KDM5D: variants seen among roughly 807,000 people sequenced by gnomAD.
KDM5D encodes lysine-specific demethylase 5D.
Under a neutral mutation model 31.9 loss-of-function variants are expected in KDM5D, and 25 were observed. That is an observed-to-expected ratio of 0.78 (90% confidence interval 0.57 to 1.09). KDM5D has a LOEUF of 1.09. Among genes scored for constraint, KDM5D ranks in the 50% least tolerant of loss-of-function variants. KDM5D has a pLI of 0.00. For synonymous variants in KDM5D, 146 were observed against 122.3 expected, an observed-to-expected ratio of 1.19 and a Z score of -1.28; for missense variants, 366 against 341.6, an observed-to-expected ratio of 1.07 and a Z score of -0.56.
At chrY:19,712,173 A>G in intron 18 of KDM5D, among the ~76,000 whole-genome samples, 3 of 33,087 alleles carry the variant, frequency 9.1e-5, no homozygotes, top group Non-Finnish European at 2.2e-4. Context: ...ACACAGCTTT[A>G]TTTTTTTTAA....
rs2045250820 is a variant in KDM5D at position 19,707,303 on chromosome Y, C to T, written c.3843G>A (p.Lys1281=). 3 of 394,032 alleles carry T rather than the reference C, an allele frequency of 7.6e-6. No individual in the cohort carries two copies. The highest frequency in any genetic ancestry group is 1.5e-4 in the Admixed American group (2 of 13,103). ...RAIGWQDRAR[K]ALASEDVTAL... is the part of the protein sequence containing the mutation. ...CAGTCACATCTTCAGAGGCCAGAGC[C>T]TTTCTGGCACGGTCTTGCCAGCCAA... The change falls in exon 24 of 27, where the codon AAG becomes AAA. Residue 1281 remains lysine, a synonymous_variant. Transcript: ENST00000317961.
chrY:19,727,033 A>G, intron 11 of KDM5D, among the ~76,000 whole-genome samples: 2 of 33,460 alleles, frequency 6.0e-5, no homozygotes, highest in Non-Finnish European at 1.5e-4. Context: ...AACATGCTAG[A>G]TAAGAAAATG....
intron 2 of KDM5D, 22 bp from the exon 3 acceptor site, chrY:19,743,261 T>C (rs1287210942): frequency 6.9e-6 from 2 of 289,608 alleles, no homozygotes; most frequent in Non-Finnish European, 1.1e-5. Flanking sequence ...TGTAAGGACC[T>C]GGTAACTATG....
At chrY:19,732,296 A>C (rs2045478580) in intron 9 of KDM5D, 131 bp from the exon 10 acceptor site, 1 of 186,587 alleles carries the variant, frequency 5.4e-6, no homozygotes, top group African/African-American at 8.6e-5. Flanking sequence ...ATATGTTTCC[A>C]GGTAGGTTTG....
At chrY:19,726,881 C>T in intron 11 of KDM5D, among the ~76,000 whole-genome samples, 2 of 32,237 alleles carry the variant, frequency 6.2e-5, no homozygotes, top group Non-Finnish European at 1.5e-4. Context: ...AATATACAAA[C>T]TAAGAAAATT....
In KDM5D at chrY:19,705,259, C is replaced by T. The variant is rs2124171496; in HGVS notation, c.*736G>A. 3.0e-5 allele frequency: 1 copy of T among 33,534 alleles called. No homozygotes were observed. Among genetic ancestry groups the T allele is most frequent in the African/African-American group, 1.2e-4 (1 of 8,612 alleles). 8.4% of individuals were successfully genotyped at this position (33,534 alleles called of 400,897 possible). A position where few individuals can be genotyped will look rare whatever the true frequency, so the allele number is the denominator to read the frequency against. ...GTCAACTGGACATCCTTTGAGAAAA[C>T]ATTAACCTTGGCCTAAGTCTCATGT... On this transcript the variant is annotated 3_prime_UTR_variant, in exon 27 of 27. Transcript: ENST00000317961.
chrY:19,736,102 G>C, intron 6 of KDM5D, among the ~76,000 whole-genome samples: 1 of 32,878 alleles, frequency 3.0e-5, no homozygotes, highest in Non-Finnish European at 7.5e-5. Flanking sequence ...GTTCAAGATG[G>C]AAACAGTTAA....
At chrY:19,729,735 T>A in intron 11 of KDM5D, among the ~76,000 whole-genome samples, 1 of 33,689 alleles carries the variant, frequency 3.0e-5, no homozygotes, top group African/African-American at 1.2e-4. Context: ...AATCTGATGC[T>A]CTTAAAGGCT....
chrY:19,714,117 C>G (rs2045317610), intron 18 of KDM5D, among the ~76,000 whole-genome samples: 2 of 32,608 alleles, frequency 6.1e-5, no homozygotes, highest in Non-Finnish European at 1.5e-4. Context: ...CATGGACGCA[C>G]GCATAGAGGG....
At chrY:19,711,408 C>T (rs926946910) in intron 18 of KDM5D, among the ~76,000 whole-genome samples, 1 of 32,997 alleles carries the variant, frequency 3.0e-5, no homozygotes, top group Non-Finnish European at 7.4e-5. Flanking sequence ...GGGCCAGGCA[C>T]GGTGGCTCAT....
intron 11 of KDM5D, among the ~76,000 whole-genome samples, chrY:19,725,518 C>T: frequency 3.0e-5 from 1 of 33,336 alleles, no homozygotes; most frequent in Non-Finnish European, 7.4e-5. Flanking sequence ...AAACTTGATC[C>T]CTTCCTTACA....
chrY:19,741,493 A>G lies in KDM5D; in HGVS notation c.352-5T>C. 2.6e-6 allele frequency: 1 copy of G among 377,931 alleles called. No homozygotes were observed. Among genetic ancestry groups the G allele is most frequent in the Non-Finnish European group, 3.8e-6 (1 of 266,531 alleles). The allele number at this position is 377,931 out of a possible 400,897, so 94.3% of individuals were successfully genotyped here. A position where few individuals can be genotyped will look rare whatever the true frequency, so the allele number is the denominator to read the frequency against. On this transcript the variant is annotated splice_region_variant and splice_polypyrimidine_tract_variant and intron_variant, in intron 4 of 26. Transcript: ENST00000317961. ...GCCACCTTCCTCAATCACAATCTGAAAGTATAAGAAACAATATGGATGAAC... is the reference window on the plus strand; with the variant it reads ...GCCACCTTCCTCAATCACAATCTGAGAGTATAAGAAACAATATGGATGAAC...
In KDM5D at chrY:19,708,265, ATTC is replaced by A. The variant is rs2045264485; in HGVS notation, c.3237_3239del (p.Lys1079del). 1 of 395,076 alleles carries A rather than the reference ATTC, an allele frequency of 2.5e-6. No individual in the cohort carries two copies. Among genetic ancestry groups the A allele is most frequent in the Non-Finnish European group, 3.5e-6 (1 of 282,236 alleles). ...TCACCTCAAGCAGTGTGTAGCAAGA[ATTC>A]TTCTTGAGAAAGGTCTTGGAGGCCT... is the stretch of plus-strand genomic sequence containing the variant. On this transcript the variant is annotated inframe_deletion, in exon 22 of 27. Coordinates refer to ENST00000317961, the MANE Select transcript of KDM5D (RefSeq NM_004653.5).
At chrY:19,706,701 G>T in intron 25 of KDM5D, 61 bp from the exon 26 acceptor site, 1 of 370,432 alleles carries the variant, frequency 2.7e-6, no homozygotes, top group Admixed American at 7.5e-5. Context: ...GCCACTCTTG[G>T]TCTTATCCTC....
chrY:19,727,159 A>G, intron 11 of KDM5D, among the ~76,000 whole-genome samples: 1 of 33,849 alleles, frequency 3.0e-5, no homozygotes, highest in Non-Finnish European at 7.4e-5. Flanking sequence ...ATTCGGGTCA[A>G]CCATAAAAGA....
intron 2 of KDM5D, among the ~76,000 whole-genome samples, chrY:19,743,447 T>C: frequency 4.3e-5 from 1 of 23,140 alleles, no homozygotes; most frequent in Non-Finnish European, 9.9e-5. Flanking sequence ...CTCTCCTTGA[T>C]ATGTGTCCTT....
At chrY:19,708,163 C>G in intron 22 of KDM5D, 81 bp downstream of exon 22, 1 of 371,817 alleles carries the variant, frequency 2.7e-6, no homozygotes, top group East Asian at 9.8e-5. Flanking sequence ...CTAAAAAAAT[C>G]TATGTTCTCA....
intron 18 of KDM5D, chrY:19,715,146 T>C: frequency 6.7e-6 from 1 of 149,365 alleles, no homozygotes; most frequent in Middle Eastern, 1.7e-3. Flanking sequence ...TTCTTTTTTT[T>C]TGCTGTTGTT....
intron 18 of KDM5D, among the ~76,000 whole-genome samples, chrY:19,711,387 ACTGAAATAATGGGCC>A (rs2045297282): frequency 3.0e-5 from 1 of 33,412 alleles, no homozygotes; most frequent in African/African-American, 1.2e-4. Flanking sequence ...AGTAGGAAAT[ACTGAAATAATGGGCC>A]AGGCACGGTG....
Sources: allele counts gnomAD v4.1 joint callset (sites outside exome capture counted in the v4.1 genomes callset), GRCh38; gene constraint gnomAD v4.1.1; transcripts MANE v1.5; gene names NCBI Gene and HGNC (gene_info 2026-07-23, HGNC 2026-07-21).